The following CALD1 variants were observed in gnomAD, a reference collection of about 807,000 sequenced individuals.
CALD1 encodes the protein caldesmon.
Under a neutral mutation model 99.9 loss-of-function variants are expected in CALD1, and 33 were observed. The ratio of observed to expected loss-of-function variants is 0.33; its 90% confidence interval spans 0.25 to 0.44. The LOEUF (loss-of-function observed/expected upper bound fraction) is 0.44. Among genes scored for constraint, CALD1 ranks in the 20% least tolerant of loss-of-function variants. The probability of loss-of-function intolerance (pLI) is 1.00; values close to 1 mark genes in which losing one functional copy is unlikely to be tolerated. For synonymous variants in CALD1, 310 were observed against 325.0 expected, an observed-to-expected ratio of 0.95 and a Z score of 0.50; for missense variants, 861 against 962.1, an observed-to-expected ratio of 0.89 and a Z score of 1.39.
intron 1 of CALD1, among the ~76,000 whole-genome samples, chr7:134,764,569 CTATT>C (rs1003152233): frequency 3.2e-4 from 49 of 152,198 alleles, no homozygotes; most frequent in Middle Eastern, 3.4e-3. Context: ...TATCACTCAA[CTATT>C]AATTAATTAG....
chr7:134,832,045 G>A (rs1799248536), intron 1 of CALD1, among the ~76,000 whole-genome samples: 3 of 152,222 alleles, frequency 2.0e-5, no homozygotes, highest in African/African-American at 7.2e-5. Flanking sequence ...TGCGTCTTCC[G>A]TAGGGTGGGC....
chr7:134,896,231 G>A (rs1177007471), intron 3 of CALD1, among the ~76,000 whole-genome samples: 3 of 152,168 alleles, frequency 2.0e-5, no homozygotes, highest in Non-Finnish European at 2.9e-5. Context: ...TTCCATCTTC[G>A]AGGGGCACCC....
intron 1 of CALD1, among the ~76,000 whole-genome samples, chr7:134,758,083 C>T (rs114719800): frequency 0.011 from 1,702 of 152,216 alleles, 50 homozygotes; most frequent in African/African-American, 0.038. Flanking sequence ...TTTACGTGGG[C>T]CCACCCAGAA....
intron 1 of CALD1, among the ~76,000 whole-genome samples, chr7:134,753,246 G>A (rs1458379855): frequency 6.6e-6 from 1 of 151,928 alleles, no homozygotes; most frequent in Admixed American, 6.6e-5. Flanking sequence ...GATAAACCCT[G>A]GGCCTAAACT....
chr7:134,730,774 G>A, the CALD1 span, among the ~76,000 whole-genome samples: 1 of 152,024 alleles, frequency 6.6e-6, no homozygotes, highest in South Asian at 2.1e-4. Context: ...ATAGACTTTT[G>A]GCTCTCATGA....
intron 2 of CALD1, among the ~76,000 whole-genome samples, chr7:134,863,372 T>C (rs569185194): frequency 1.3e-5 from 2 of 152,392 alleles, no homozygotes; most frequent in African/African-American, 4.8e-5. Flanking sequence ...CAACAGATTT[T>C]ATTCTTCTTG....
Position 134,941,135 on chromosome 7 carries a change from A to T in CALD1, c.1430A>T (p.Glu477Val), listed in dbSNP as rs1216070578. ...AAAAAGGACAAAGAACCCAAAGAAGAAGTTAAGAGCTTCATGGATCGAAAG... is the reference window on the plus strand; with the variant it reads ...AAAAAGGACAAAGAACCCAAAGAAGTAGTTAAGAGCTTCATGGATCGAAAG... ...KIKKDKEPKE[E>V]VKSFMDRKKG... Residue 477 changes from glutamate (E) to valine (V), a missense_variant, in exon 7 of 15, where the codon GAA (glutamate) becomes GTA (valine). Glu to Val is a moderately radical substitution (Grantham distance 121). Around this residue, in one of 5 missense-constraint regions of CALD1, gnomAD observed 293 missense variants for 262.7 expected, o/e 1.12. Transcript: ENST00000361675. 3.1e-6 allele frequency: 5 copies of T among 1,612,590 alleles called. No individual in the cohort carries two copies. In the East Asian group the frequency reaches 8.9e-5, roughly 29 times the overall value.
intron 1 of CALD1, among the ~76,000 whole-genome samples, chr7:134,801,301 T>C (rs1473744673): frequency 1.3e-5 from 2 of 152,242 alleles, no homozygotes; most frequent in African/African-American, 4.8e-5. Flanking sequence ...ATAATCTGTT[T>C]CGTTTTTAAA....
rs911762860 is a variant in CALD1 at position 134,763,932 on chromosome 7, A to T, written c.-130+19569A>T. Among the ~76,000 whole-genome samples, 4 of 152,046 alleles carry T rather than the reference A, an allele frequency of 2.6e-5. No individual in the cohort carries two copies. In the East Asian group the frequency reaches 7.7e-4, roughly 29 times the overall value. On this transcript the variant is annotated intron_variant, in intron 1 of 13. Transcript: ENST00000417172. ...GACTCCATCTCAAAAAAAAAAAAAA[A>T]AAAAAGTATTTCCCACTTTAACTTA...
chr7:134,841,994 C>G (rs1799670412), intron 1 of CALD1, among the ~76,000 whole-genome samples: 2 of 152,210 alleles, frequency 1.3e-5, no homozygotes, highest in African/African-American at 2.4e-5. Flanking sequence ...GAGACTATCC[C>G]TCACCATCCA....
At chr7:134,751,881 G>A (rs894521971) in intron 1 of CALD1, among the ~76,000 whole-genome samples, 3 of 152,124 alleles carry the variant, frequency 2.0e-5, no homozygotes, top group Non-Finnish European at 2.9e-5. Context: ...GGAGGCTGAG[G>A]TGGGATGATT....
At chr7:134,742,214 T>C (rs956741262), upstream of CALD1, among the ~76,000 whole-genome samples, 8 of 152,362 alleles carry the variant, frequency 5.3e-5, no homozygotes, top group Non-Finnish European at 1.0e-4. Context: ...AATAACTGGG[T>C]TCTTGGTTCC....
intron 1 of CALD1, among the ~76,000 whole-genome samples, chr7:134,828,199 G>A (rs573246666): frequency 2.0e-5 from 3 of 152,110 alleles, no homozygotes; most frequent in Admixed American, 1.3e-4. Context: ...CCAATATCGC[G>A]GCTGGTGTAT....
chr7:134,870,863 C>T (rs560631399), intron 3 of CALD1, among the ~76,000 whole-genome samples: 52 of 152,204 alleles, frequency 3.4e-4, no homozygotes, highest in Admixed American at 2.9e-3. Flanking sequence ...TTTGGTAAGC[C>T]CATGACCACC....
Position 134,819,048 on chromosome 7 carries a change from C to T in CALD1, c.-129-24836C>T, listed in dbSNP as rs573912858. Among the ~76,000 whole-genome samples the T allele has an allele frequency of 1.2e-4, 18 of 152,294 alleles. 1 individual carries two copies. The South Asian group carries it at 3.5e-3, about 30-fold the overall frequency. On this transcript the variant is annotated intron_variant, in intron 1 of 14. Transcript: ENST00000361675. Reference sequence around the variant, plus strand: ...AAATCCCAGACTAATTTCCTCTCCTCTTTCCTCTGCGAGTGTTTCTGATTT... The same window carrying T: ...AAATCCCAGACTAATTTCCTCTCCTTTTTCCTCTGCGAGTGTTTCTGATTT...
rs1485990124 is a variant in CALD1, at chr7:134,965,124, TAAAA to T, written c.2296-178_2296-175del. On this transcript the variant is annotated intron_variant, in intron 13 of 14. Coordinates refer to ENST00000361675, the MANE Select transcript of CALD1 (RefSeq NM_033138.4). ...GAGTGAGACTCTGTCTCAAAAAAAA[TAAAA>T]AAATAAAAAAATCAAACAACAGCTG... is the stretch of plus-strand genomic sequence containing the variant. 7.7e-6 allele frequency: 4 copies of T among 516,532 alleles called. No homozygotes were observed. The African/African-American group carries it at 7.8e-5, about 10-fold the overall frequency. The allele number at this position is 516,532 out of a possible 1,614,324, so 32.0% of individuals were successfully genotyped here.
At chr7:134,778,226 C>T (rs571835994), upstream of CALD1, among the ~76,000 whole-genome samples, 8 of 152,272 alleles carry the variant, frequency 5.3e-5, no homozygotes, top group African/African-American at 1.7e-4. Flanking sequence ...CTCTGGGTAA[C>T]TTGTTAATGC....
At chr7:134,758,244 T>C (rs184673241) in intron 1 of CALD1, among the ~76,000 whole-genome samples, 14 of 152,366 alleles carry the variant, frequency 9.2e-5, no homozygotes, top group Admixed American at 8.5e-4. Context: ...TTGTTAGAAC[T>C]GAAAACACTT....
intron 7 of CALD1, among the ~76,000 whole-genome samples, chr7:134,944,157 G>A (rs1584636030): frequency 6.6e-6 from 1 of 152,166 alleles, no homozygotes; most frequent in Non-Finnish European, 1.5e-5. Context: ...GACCCTGAAA[G>A]AGCCTTTGAC....
Sources: gnomAD v4.1 joint callset for allele counts (sites outside exome capture counted in the v4.1 genomes callset) on GRCh38, gnomAD v4.1.1 for gene constraint, gnomAD v4.1.1 regional missense constraint, MANE v1.5 for transcripts, NCBI Gene and HGNC (gene_info 2026-07-23, HGNC 2026-07-21) for gene names.